The following MX1 variants were observed in gnomAD, a reference collection of about 807,000 sequenced individuals.
MX1 encodes interferon-induced GTP-binding protein Mx1.
Under a neutral mutation model 66.4 loss-of-function variants are expected in MX1, and 66 were observed. That is an observed-to-expected ratio of 0.99 (90% confidence interval 0.82 to 1.22). The LOEUF is 1.22. Among genes scored for constraint, MX1 ranks in the 50% most tolerant of loss-of-function variants. MX1 has a pLI of 0.00. For missense variants in MX1, 787 were observed against 834.3 expected (o/e 0.94, Z 0.70); for synonymous variants, 311 against 318.1 (o/e 0.98, Z 0.24).
chr21:41,436,457 T>C (rs1462282915), intron 6 of MX1, among the ~76,000 whole-genome samples: 1 of 152,244 alleles, frequency 6.6e-6, no homozygotes, highest in African/African-American at 2.4e-5. Context: ...TCATATGTAA[T>C]CTACAGTTTG....
At chr21:41,449,065 G>A in intron 13 of MX1, 72 bp from the exon 14 acceptor site, 1 of 1,342,980 alleles carries the variant, frequency 7.4e-7, no homozygotes, top group Non-Finnish European at 1.0e-6. Context: ...AATTTAGAAT[G>A]GTATTGTGTT....
intron 15 of MX1, 76 bp from the exon 16 acceptor site, chr21:41,452,545 G>A (rs1273640698): frequency 6.0e-6 from 9 of 1,495,338 alleles, no homozygotes; most frequent in South Asian, 1.3e-5. Context: ...GGTATTTACG[G>A]ACTTCTTACC....
intron 7 of MX1, among the ~76,000 whole-genome samples, chr21:41,439,389 G>C (rs1030754852): frequency 2.0e-5 from 3 of 152,096 alleles, no homozygotes; most frequent in African/African-American, 7.2e-5. Context: ...CAATGAGAAG[G>C]ATTTAGGAAT....
In MX1 at chr21:41,441,519, C is replaced by T. The variant is rs539884070; in HGVS notation, c.731-197C>T. On this transcript the variant is annotated intron_variant, in intron 9 of 16. Transcript: ENST00000398598. This position sits in a 1 kb window ranked among gnomAD's most constrained non-coding sequence, Gnocchi z 4.0. ...AGCCACATGCTGTTCTGGGAGGCATCCCTGCCTTCACGCGGCTTGTCGTGG... is the reference window on the plus strand; with the variant it reads ...AGCCACATGCTGTTCTGGGAGGCATTCCTGCCTTCACGCGGCTTGTCGTGG... The T allele has an allele frequency of 3.3e-6, 2 of 612,206 alleles. No homozygotes were observed. The highest frequency in any genetic ancestry group is 1.8e-5 in the African/African-American group (1 of 54,312). 37.9% of individuals were successfully genotyped at this position (612,206 alleles called of 1,614,324 possible). A position where few individuals can be genotyped will look rare whatever the true frequency, so the allele number is the denominator to read the frequency against.
chr21:41,445,492 G>A lies in MX1; in HGVS notation c.1053G>A (p.Gln351=), dbSNP rs2090634819. The A allele has an allele frequency of 6.2e-7, 1 of 1,614,148 alleles. No homozygotes were observed. The highest frequency in any genetic ancestry group is 1.1e-5 in the South Asian group (1 of 91,086). Reference sequence around the variant, plus strand: ...AAAATCAAATCAAGGAGACTCACCAGAGAATAACAGAGGAGCTACAAAAGT... The same window carrying A: ...AAAATCAAATCAAGGAGACTCACCAAAGAATAACAGAGGAGCTACAAAAGT... ...LLENQIKETH[Q]RITEELQKYG... is the part of the protein sequence containing the mutation. Residue 351 remains glutamine, a synonymous_variant, in exon 12 of 17, where the codon CAG becomes CAA. Coordinates refer to ENST00000398598, the MANE Select transcript of MX1 (RefSeq NM_002462.5).
At chr21:41,428,463 C>G (rs2090125926) in intron 3 of MX1, 2 of 152,278 alleles carry the variant, frequency 1.3e-5, no homozygotes, top group Non-Finnish European at 2.9e-5. Context: ...AAGTCCCGCT[C>G]TAGTGCTGGG....
chr21:41,447,411 C>T (rs747948936), intron 13 of MX1, among the ~76,000 whole-genome samples: 9 of 152,154 alleles, frequency 5.9e-5, no homozygotes, highest in South Asian at 2.1e-4. Flanking sequence ...AAGCTCAGCC[C>T]GTAACACCAA....
chr21:41,446,544 G>A (rs530610079), intron 13 of MX1, among the ~76,000 whole-genome samples: 1 of 152,194 alleles, frequency 6.6e-6, no homozygotes, highest in African/African-American at 2.4e-5. Context: ...TAAAAAATAT[G>A]TATGTACCTT....
At chr21:41,452,986 C>G in intron 16 of MX1, 117 bp downstream of exon 16, 2 of 1,158,264 alleles carry the variant, frequency 1.7e-6, no homozygotes, top group South Asian at 1.5e-5. Flanking sequence ...TCGTTTACCT[C>G]CTTGTTAGCC....
chr21:41,448,730 C>T (rs891149810), intron 13 of MX1, among the ~76,000 whole-genome samples: 13 of 152,108 alleles, frequency 8.5e-5, no homozygotes, highest in Non-Finnish European at 1.6e-4. Context: ...GGCGTGAACC[C>T]GGGAGGCAGA....
At chr21:41,434,645 T>A (rs990546025) in intron 5 of MX1, among the ~76,000 whole-genome samples, 11 of 152,220 alleles carry the variant, frequency 7.2e-5, no homozygotes, top group Admixed American at 7.2e-4. Context: ...TAAGTCAACC[T>A]TCAAGTGATA....
At position 41,435,930 on chromosome 21, in the gene MX1, G is replaced by A. The variant is rs992829224; in HGVS notation, c.199G>A (p.Asp67Asn). The A allele has an allele frequency of 6.2e-7, 1 of 1,614,192 alleles. No homozygotes were observed. The highest frequency in any genetic ancestry group is 1.1e-5 in the South Asian group (1 of 91,084). The change falls in exon 6 of 17, where the codon GAC becomes AAC. Residue 67 changes from aspartate to asparagine, a missense_variant. Coordinates refer to ENST00000398598, the MANE Select transcript of MX1 (RefSeq NM_002462.5). ...DSLRALGVEQ[D>N]LALPAIAVIG... ...CCTGCGGGCTCTAGGTGTGGAGCAG[G>A]ACCTGGCCCTGCCAGCCATCGCCGT...
intron 5 of MX1, among the ~76,000 whole-genome samples, chr21:41,435,630 C>G (rs2090336112): frequency 6.6e-6 from 1 of 152,156 alleles, no homozygotes; most frequent in South Asian, 2.1e-4. Context: ...ATAAAACCAT[C>G]AGACCTCATG....
intron 16 of MX1, among the ~76,000 whole-genome samples, chr21:41,454,027 C>T (rs2090899362): frequency 6.6e-6 from 1 of 152,142 alleles, no homozygotes; most frequent in Non-Finnish European, 1.5e-5. Flanking sequence ...GTTAATCTCT[C>T]CTAGATTCAG....
chr21:41,450,720 G>A (rs2090799398), intron 14 of MX1, among the ~76,000 whole-genome samples: 1 of 151,920 alleles, frequency 6.6e-6, no homozygotes, highest in African/African-American at 2.4e-5. Context: ...AATTCTGTGA[G>A]GAAGTAGAAT....
chr21:41,458,338 C>T (rs1331112256), intron 16 of MX1, among the ~76,000 whole-genome samples, 190 bp from the exon 17 acceptor site: 1 of 152,192 alleles, frequency 6.6e-6, no homozygotes, highest in Admixed American at 6.5e-5. Flanking sequence ...ACATTCTCTG[C>T]ACTGTGCATA....
intron 14 of MX1, 72 bp from the exon 15 acceptor site, chr21:41,451,095 A>G (rs543673359): frequency 1.5e-4 from 150 of 1,022,360 alleles, no homozygotes; most frequent in Non-Finnish European, 2.0e-4. Flanking sequence ...TTTGATCCTC[A>G]TATTTTTTTG....
chr21:41,455,189 C>T (rs554160777), intron 16 of MX1, among the ~76,000 whole-genome samples: 4 of 152,258 alleles, frequency 2.6e-5, no homozygotes, highest in South Asian at 2.1e-4. Context: ...GGATTACAGG[C>T]GTGAGCCACC....
At chr21:41,440,184 T>A (rs1004949084) in intron 8 of MX1, among the ~76,000 whole-genome samples, 1 of 152,200 alleles carries the variant, frequency 6.6e-6, no homozygotes, top group Non-Finnish European at 1.5e-5. Flanking sequence ...AGGGGTCTTA[T>A]GTGGGAAGAG....
Sources: allele counts gnomAD v4.1 joint callset (sites outside exome capture counted in the v4.1 genomes callset), GRCh38; gene constraint gnomAD v4.1.1; non-coding constraint Gnocchi (gnomAD v3.1); transcripts MANE v1.5; gene names NCBI Gene and HGNC (gene_info 2026-07-23, HGNC 2026-07-21).